Variants in WDR1 observed in about 807,000 individuals in gnomAD.
WDR1 encodes the protein WD repeat domain 1.
Under a neutral mutation model 71.9 loss-of-function variants are expected in WDR1, and 21 were observed. The ratio of observed to expected loss-of-function variants is 0.29; its 90% confidence interval spans 0.21 to 0.42. The LOEUF (loss-of-function observed/expected upper bound fraction) is 0.42, where lower values mean the gene tolerates loss of function less well. Among genes scored for constraint, WDR1 ranks in the 10% least tolerant of loss-of-function variants. The pLI, the probability that WDR1 is intolerant of heterozygous loss-of-function variation, is 1.00. For missense variants in WDR1, 696 were observed against 824.5 expected, an observed-to-expected ratio of 0.84 and a Z score of 1.91; for synonymous variants, 424 against 347.4, an observed-to-expected ratio of 1.22 and a Z score of -2.45.
intron 9 of WDR1, 51 bp downstream of exon 9, chr4:10,084,392 T>C (rs1578420963): frequency 3.2e-6 from 5 of 1,555,902 alleles, no homozygotes; most frequent in Non-Finnish European, 4.4e-6. Context: ...AACAGGAAAT[T>C]CCCCCCTAGA....
In WDR1 at chr4:10,075,247, C is replaced by A. The variant is rs907602748; in HGVS notation, c.*131G>T. 4 of 732,754 alleles carry A rather than the reference C, an allele frequency of 5.5e-6. No homozygotes were observed. The East Asian group carries it at 1.1e-4, about 20-fold the overall frequency. The allele number at this position is 732,754 out of a possible 1,614,324, so 45.4% of individuals were successfully genotyped here. On this transcript the variant is annotated 3_prime_UTR_variant, in exon 15 of 15. Transcript: ENST00000499869. Reference sequence around the variant, plus strand: ...CACCCTGCAGAGACGAGGGTCATGACTGGGCCCTCCTGCCTCTTGTGGTGG... The same window carrying A: ...CACCCTGCAGAGACGAGGGTCATGAATGGGCCCTCCTGCCTCTTGTGGTGG...
At chr4:10,075,670 G>A in intron 14 of WDR1, 186 bp from the exon 15 acceptor site, 1 of 615,828 alleles carries the variant, frequency 1.6e-6, no homozygotes, top group East Asian at 2.8e-5. Flanking sequence ...TGACACTCCT[G>A]AACCCCGGGG....
chr4:10,086,288 T>C (rs969416940), intron 8 of WDR1, among the ~76,000 whole-genome samples: 3 of 152,182 alleles, frequency 2.0e-5, no homozygotes, highest in African/African-American at 4.8e-5. Context: ...CACCCTGGGC[T>C]GTGAGCCCAG....
intron 5 of WDR1, among the ~76,000 whole-genome samples, chr4:10,095,749 T>A (rs1351408479): frequency 1.3e-5 from 2 of 152,218 alleles, no homozygotes; most frequent in African/African-American, 4.8e-5. Context: ...ACACCCTCCC[T>A]GTGGCTGAGG....
chr4:10,116,576 A>T (rs1260950278), intron 1 of WDR1, 75 bp downstream of exon 1: 52 of 1,091,128 alleles, frequency 4.8e-5, no homozygotes, highest in Non-Finnish European at 4.8e-5. Context: ...CGCCACCCGC[A>T]CGGCGCCTAG....
At chr4:10,078,699 A>C in intron 12 of WDR1, 192 bp downstream of exon 12, 2 of 533,900 alleles carry the variant, frequency 3.7e-6, no homozygotes, top group South Asian at 4.8e-5. Flanking sequence ...AGGGGAGGGG[A>C]AGGCTCCAGC....
At chr4:10,100,378 G>C (rs79368359) in intron 3 of WDR1, among the ~76,000 whole-genome samples, 3 of 152,162 alleles carry the variant, frequency 2.0e-5, no homozygotes, top group Admixed American at 6.5e-5. Context: ...TAGGTTCCAC[G>C]AGTTAACACG....
At chr4:10,087,644 TG>T in intron 8 of WDR1, 62 bp downstream of exon 8, 1 of 1,460,084 alleles carries the variant, frequency 6.8e-7, no homozygotes, top group Non-Finnish European at 9.2e-7. Context: ...CCTTCCTTGC[TG>T]GCCACTCTGG....
At chr4:10,113,318 G>A (rs907287311) in intron 2 of WDR1, among the ~76,000 whole-genome samples, 1 of 152,124 alleles carries the variant, frequency 6.6e-6, no homozygotes, top group Non-Finnish European at 1.5e-5. Flanking sequence ...CCAAGATCAC[G>A]CCACCGCACT....
At position 10,083,135 on chromosome 4, in the gene WDR1, C is replaced by T. The variant is rs1458117672; in HGVS notation, c.1083G>A (p.Gly361=). The T allele has an allele frequency of 6.2e-7, 1 of 1,613,852 alleles. No homozygotes were observed. Among genetic ancestry groups the T allele is most frequent in the African/African-American group, 1.3e-5 (1 of 74,926 alleles). ...TGGACACCTGGTTCGTGTGGCCTTT[C>T]CCAGCGAAGGAGTCGTTCTCCCCCG... ...SETGENDSFA[G]KGHTNQVSRM... The change falls in exon 10 of 15, where the codon GGG becomes GGA. Residue 361 remains glycine, a synonymous_variant. Coordinates refer to ENST00000499869, the MANE Select transcript of WDR1 (RefSeq NM_017491.5).
chr4:10,108,061 C>G (rs375606133), intron 2 of WDR1, among the ~76,000 whole-genome samples: 16 of 152,294 alleles, frequency 1.1e-4, no homozygotes, highest in Admixed American at 2.6e-4. Context: ...CATACTCCCC[C>G]CCGGCACCTG....
intron 3 of WDR1, among the ~76,000 whole-genome samples, chr4:10,100,780 G>A (rs897972087): frequency 6.6e-6 from 1 of 152,206 alleles, no homozygotes; most frequent in Non-Finnish European, 1.5e-5. Flanking sequence ...GGGAAGAAGG[G>A]GTCAGAAGAG....
chr4:10,116,324 C>G, intron 1 of WDR1, 90 bp from the exon 2 acceptor site: 7 of 1,571,198 alleles, frequency 4.5e-6, no homozygotes, highest in Non-Finnish European at 6.1e-6. Flanking sequence ...CGGTCTCGGC[C>G]GGTCACCTGT....
intron 2 of WDR1, among the ~76,000 whole-genome samples, chr4:10,109,831 A>G (rs1474232287): frequency 6.6e-6 from 1 of 152,146 alleles, no homozygotes; most frequent in Non-Finnish European, 1.5e-5. Flanking sequence ...CACCTCTCAA[A>G]AGAGAGATGA....
At chr4:10,094,648 TGTAA>T (rs1471236940) in intron 5 of WDR1, 1 of 152,210 alleles carries the variant, frequency 6.6e-6, no homozygotes, top group Non-Finnish European at 1.5e-5. Context: ...ACCGTTCTCC[TGTAA>T]CCCCGGAAGT....
intron 3 of WDR1, among the ~76,000 whole-genome samples, chr4:10,103,109 C>G (rs1445194579): frequency 6.6e-6 from 1 of 152,152 alleles, no homozygotes; most frequent in Non-Finnish European, 1.5e-5. Flanking sequence ...CTGCCTCTGC[C>G]TAGCCTCCCA....
intron 7 of WDR1, 23 bp from the exon 8 acceptor site, chr4:10,087,963 T>A: frequency 6.5e-7 from 1 of 1,540,400 alleles, no homozygotes; most frequent in Non-Finnish European, 8.8e-7. Flanking sequence ...AAGCAGTGTG[T>A]CATGTGCCAG....
chr4:10,075,610 G>T, intron 14 of WDR1, 126 bp from the exon 15 acceptor site: 1 of 853,828 alleles, frequency 1.2e-6, no homozygotes. Context: ...GCCACGAATC[G>T]TTGTAACTCA....
chr4:10,076,991 C>G (rs1248413005), intron 14 of WDR1: 1 of 355,336 alleles, frequency 2.8e-6, no homozygotes, highest in Non-Finnish European at 5.2e-6. Context: ...ACGTGGCTGT[C>G]TTAGGGAGGG....
Sources: gnomAD v4.1 joint callset for allele counts (sites outside exome capture counted in the v4.1 genomes callset) on GRCh38, gnomAD v4.1.1 for gene constraint, MANE v1.5 for transcripts, NCBI Gene and HGNC (gene_info 2026-07-23, HGNC 2026-07-21) for gene names.